Variants in CACNA1H observed in about 807,000 individuals in gnomAD.
CACNA1H encodes calcium voltage-gated channel subunit alpha1 H, also known as voltage-dependent T-type calcium channel subunit alpha-1H.
CACNA1H carries 149 observed loss-of-function variants against 192.5 expected under a neutral mutation model. The observed-to-expected ratio is 0.77, with a 90% CI of 0.68 to 0.89. CACNA1H has a LOEUF of 0.89. Ranked by LOEUF, CACNA1H falls within the 40% of genes least tolerant of loss-of-function variation. The probability of loss-of-function intolerance (pLI) is 0.00; values close to 1 mark genes in which losing one functional copy is unlikely to be tolerated. For synonymous variants in CACNA1H, 2,202 were observed against 1,475.2 expected (o/e 1.49, Z -11.29); for missense variants, 4,257 against 3,423.5 (o/e 1.24, Z -6.08).
At chr16:1,190,911 CAGG>C (rs1567485774) in intron 2 of CACNA1H, among the ~76,000 whole-genome samples, 14 of 150,378 alleles carry the variant, frequency 9.3e-5, no homozygotes, top group South Asian at 4.2e-4. Flanking sequence ...TGTGTGGCCT[CAGG>C]CACACTCGGG....
At chr16:1,154,478 A>G (rs1331428067) in intron 2 of CACNA1H, among the ~76,000 whole-genome samples, 1 of 152,108 alleles carries the variant, frequency 6.6e-6, no homozygotes, top group East Asian at 1.9e-4. Flanking sequence ...AGCTGGAGTC[A>G]GGGGCGCAAA....
intron 27 of CACNA1H, among the ~76,000 whole-genome samples, chr16:1,214,423 C>T (rs1481429358): frequency 6.6e-6 from 1 of 152,188 alleles, no homozygotes; most frequent in Non-Finnish European, 1.5e-5. Flanking sequence ...CGAGGATGGC[C>T]GTGGCCAGAG....
At chr16:1,187,649 G>A (rs187035109) in intron 2 of CACNA1H, among the ~76,000 whole-genome samples, 3 of 152,186 alleles carry the variant, frequency 2.0e-5, no homozygotes, top group South Asian at 2.1e-4. Flanking sequence ...GGATGCAGCC[G>A]AGCAGGGAGC....
chr16:1,220,177 G>A lies in CACNA1H; in HGVS notation c.6245G>A (p.Arg2082Gln), dbSNP rs772785163. 29 of 1,520,108 alleles carry A rather than the reference G, an allele frequency of 1.9e-5. No homozygotes were observed. Among genetic ancestry groups the A allele is most frequent in the Middle Eastern group, 1.8e-4 (1 of 5,682 alleles). The allele number at this position is 1,520,108 out of a possible 1,614,324, so 94.2% of individuals were successfully genotyped here. Residue 2082 changes from arginine to glutamine, a missense_variant, in exon 35 of 35, where the codon CGG becomes CAG. Arg to Gln is a conservative substitution (Grantham distance 43). Transcript: ENST00000348261. ...TTCGGACAGCGCTGCGTCTCCAGCC[G>A]GCCGGCGGCCCCAGGCGGAGAGGAG... ...HTFGQRCVSS[R>Q]PAAPGGEEAE...
rs1289882454 is a variant in CACNA1H at position 1,208,236 on chromosome 16, C to T, written c.3363+15C>T. ...AGAAGCCTCCGGTAGGGACCATCTC[C>T]TGCCCCAGCTCTCAGGCCCCTTCAG... On this transcript the variant is annotated intron_variant, in intron 16 of 34. Coordinates refer to ENST00000348261, the MANE Select transcript of CACNA1H (RefSeq NM_021098.3). 21 of 1,536,408 alleles carry T rather than the reference C, an allele frequency of 1.4e-5. No individual in the cohort carries two copies. Among genetic ancestry groups the T allele is most frequent in the Admixed American group, 9.7e-5 (5 of 51,700 alleles).
At position 1,167,974 on chromosome 16, in the gene CACNA1H, C is replaced by T. The variant is rs572345465; in HGVS notation, c.299+13938C>T. ...TTCCCCGGGGCTGCCTGGAGGCGGC[C>T]GCTTGTCCCCAAGGCCTGGTGACCG... On this transcript the variant is annotated intron_variant, in intron 2 of 34. Coordinates refer to ENST00000348261, the MANE Select transcript of CACNA1H (RefSeq NM_021098.3). This position sits in a 1 kb window ranked among gnomAD's most constrained non-coding sequence, Gnocchi z 4.2. 2.0e-4 allele frequency among the ~76,000 whole-genome samples: 31 copies of T among 152,286 alleles called. No homozygotes were observed. Among genetic ancestry groups the T allele is most frequent in the African/African-American group, 5.5e-4 (23 of 41,564 alleles).
intron 5 of CACNA1H, 94 bp from the exon 6 acceptor site, chr16:1,198,521 A>C: frequency 7.2e-7 from 1 of 1,394,018 alleles, no homozygotes; most frequent in Non-Finnish European, 1.0e-6. Context: ...CACTGTGAAC[A>C]GTGGACGGGG....
chr16:1,214,299 C>T (rs1334284559), intron 27 of CACNA1H, among the ~76,000 whole-genome samples: 1 of 152,230 alleles, frequency 6.6e-6, no homozygotes, highest in East Asian at 1.9e-4. Flanking sequence ...CTCCTTTCCT[C>T]AGCGGAAGGA....
In CACNA1H at chr16:1,167,855, T is replaced by C. The variant is rs547417643; in HGVS notation, c.299+13819T>C. ...GGTTGGGGCGTGGCCTGGCCGTCCG[T>C]CCGCGGGGCCCGGGCTGCCCATGGC... is the stretch of plus-strand genomic sequence containing the variant. On this transcript the variant is annotated intron_variant, in intron 2 of 34. Coordinates refer to ENST00000348261, the MANE Select transcript of CACNA1H (RefSeq NM_021098.3). This position sits in a 1 kb window ranked among gnomAD's most constrained non-coding sequence, Gnocchi z 4.2. 3.3e-5 allele frequency among the ~76,000 whole-genome samples: 5 copies of C among 152,212 alleles called. No homozygotes were observed. The East Asian group carries it at 7.8e-4, about 24-fold the overall frequency.
At chr16:1,154,331 G>C (rs1302582725) in intron 2 of CACNA1H, among the ~76,000 whole-genome samples, 1 of 152,106 alleles carries the variant, frequency 6.6e-6, no homozygotes, top group Non-Finnish European at 1.5e-5. Flanking sequence ...GAGAGGAGTC[G>C]GGGAGGGAGG....
rs1415685249 is a variant in CACNA1H at position 1,180,556 on chromosome 16, G to T, written c.300-14416G>T. Among the ~76,000 whole-genome samples the T allele has an allele frequency of 2.0e-5, 3 of 152,168 alleles. No individual in the cohort carries two copies. The highest frequency in any genetic ancestry group is 4.4e-5 in the Non-Finnish European group (3 of 68,006). On this transcript the variant is annotated intron_variant, in intron 2 of 34. Coordinates refer to ENST00000348261, the MANE Select transcript of CACNA1H (RefSeq NM_021098.3). The surrounding 1 kb of genome is among the most constrained non-coding windows in gnomAD (Gnocchi z 4.4). Reference sequence around the variant, plus strand: ...AGTCTCTGGGTCCTGAGCAGGGGCTGCAGTCACAGCCAGGCCGTGGGGGGG... The same window carrying T: ...AGTCTCTGGGTCCTGAGCAGGGGCTTCAGTCACAGCCAGGCCGTGGGGGGG...
intron 2 of CACNA1H, among the ~76,000 whole-genome samples, chr16:1,186,542 C>T (rs571984975): frequency 2.2e-4 from 34 of 152,212 alleles, no homozygotes; most frequent in African/African-American, 7.0e-4. Context: ...TCCGGCGATT[C>T]CCTGGGAACG....
chr16:1,210,430 C>G lies in CACNA1H; in HGVS notation c.3906C>G (p.Val1302=), dbSNP rs775711531. The G allele has an allele frequency of 1.1e-5, 17 of 1,601,140 alleles. No individual in the cohort carries two copies. Among genetic ancestry groups the G allele is most frequent in the Admixed American group, 1.7e-5 (1 of 59,422 alleles). ...THKMFDHVVL[V]FIFLNCVTIA... The stretch of plus-strand genomic sequence containing the variant: ...AGATGTTTGATCACGTGGTCCTCGT[C>G]TTCATCTTCCTCAACTGCGTCACCA... The change falls in exon 19 of 35, where the codon GTC becomes GTG. Residue 1302 remains valine (V), a synonymous_variant. Transcript: ENST00000348261.
rs1474927653 is a variant in CACNA1H, at chr16:1,202,005, TACCACCACC to T, written c.1557_1565del (p.His526_His528del). The T allele has an allele frequency of 2.6e-6, 4 of 1,538,598 alleles. No homozygotes were observed. Among genetic ancestry groups the T allele is most frequent in the East Asian group, 4.9e-5 (2 of 40,776 alleles). On this transcript the variant is annotated inframe_deletion, in exon 9 of 35. Transcript: ENST00000348261. ...CACAGCCTCGGTGCACCACCTGGTC[TACCACCACC>T]ATCACCACCACCACCACCACTACCA...
chr16:1,173,364 CA>C (rs1193182804), intron 2 of CACNA1H, among the ~76,000 whole-genome samples: 1 of 152,168 alleles, frequency 6.6e-6, no homozygotes, highest in Non-Finnish European at 1.5e-5. Context: ...CGTGCTCCCC[CA>C]CAACCTCCAG....
intron 6 of CACNA1H, 103 bp downstream of exon 6, chr16:1,198,877 G>C (rs1297289011): frequency 8.7e-6 from 10 of 1,154,046 alleles, no homozygotes; most frequent in South Asian, 3.0e-5. Flanking sequence ...TCTGCCCACC[G>C]TGCAGTCACC....
chr16:1,220,445 G>C lies in CACNA1H; in HGVS notation c.6513G>C (p.Trp2171Cys). 1 of 1,540,588 alleles carries C rather than the reference G, an allele frequency of 6.5e-7. No homozygotes were observed. The highest frequency in any genetic ancestry group is 8.7e-7 in the Non-Finnish European group (1 of 1,152,448). ...GSGEPGEAKA[W>C]GPEAEPALGA... ...GGGAGCCTGGGGAGGCGAAGGCCTG[G>C]GGCCCTGAGGCCGAGCCCGCTCTGG... Residue 2171 changes from tryptophan to cysteine, a missense_variant, in exon 35 of 35, where the codon TGG becomes TGC. Trp to Cys is a radical substitution (Grantham distance 215, BLOSUM62 -2). Coordinates refer to ENST00000348261, the MANE Select transcript of CACNA1H (RefSeq NM_021098.3).
chr16:1,213,878 AT>A lies in CACNA1H; in HGVS notation c.4877del (p.Ile1626ThrfsTer41). ...CTATCTCGACCTCTTCATCACCTTCATCATCTGTGTCAACGTCATCACCATG... is the reference window on the plus strand; with the variant it reads ...CTATCTCGACCTCTTCATCACCTTCACATCTGTGTCAACGTCATCACCATG... ...SHYLDLFITF[I>X]ICVNVITMSM... On this transcript the variant is annotated frameshift_variant, in exon 27 of 35. Transcript: ENST00000348261. LOFTEE classifies it high-confidence loss of function. The A allele has an allele frequency of 6.2e-7, 1 of 1,611,556 alleles. No individual in the cohort carries two copies. Among genetic ancestry groups the A allele is most frequent in the East Asian group, 2.2e-5 (1 of 44,786 alleles).
At chr16:1,189,543 G>A (rs571034365) in intron 2 of CACNA1H, among the ~76,000 whole-genome samples, 88 of 150,286 alleles carry the variant, frequency 5.9e-4, no homozygotes, top group African/African-American at 1.9e-3. Flanking sequence ...CAGCCTCCCC[G>A]AGTAGCTGCC....
Sources: gnomAD v4.1 joint callset for allele counts (sites outside exome capture counted in the v4.1 genomes callset) on GRCh38, gnomAD v4.1.1 for gene constraint, Gnocchi (gnomAD v3.1) non-coding constraint, MANE v1.5 for transcripts, NCBI Gene and HGNC (gene_info 2026-07-23, HGNC 2026-07-21) for gene names.